Variants in PARP4 observed in about 807,000 individuals in gnomAD.
The protein encoded by PARP4 is protein mono-ADP-ribosyltransferase PARP4.
Under a neutral mutation model 187.7 loss-of-function variants are expected in PARP4, and 120 were observed. The observed-to-expected ratio is 0.64, with a 90% CI of 0.55 to 0.74. The LOEUF is 0.74. Among genes scored for constraint, PARP4 ranks in the 30% least tolerant of loss-of-function variants. The pLI, the probability that PARP4 is intolerant of heterozygous loss-of-function variation, is 0.00. For synonymous variants in PARP4, 654 were observed against 740.9 expected (o/e 0.88, Z 1.90); for missense variants, 1,836 against 2,070.5 (o/e 0.89, Z 2.20).
intron 24 of PARP4, among the ~76,000 whole-genome samples, chr13:24,450,517 A>G (rs1006944014): frequency 2.2e-4 from 34 of 152,242 alleles, no homozygotes; most frequent in African/African-American, 7.9e-4. Context: ...TGATCATAAC[A>G]TTGACTAGAA....
At chr13:24,491,122 A>ATT (rs569158116) in intron 9 of PARP4, among the ~76,000 whole-genome samples, 11 of 138,142 alleles carry the variant, frequency 8.0e-5, no homozygotes, top group Admixed American at 1.5e-4. Flanking sequence ...CATGACTGAC[A>ATT]TTTTTTTTTT....
At chr13:24,495,546 C>T (rs1303002756) in intron 6 of PARP4, among the ~76,000 whole-genome samples, 1 of 152,282 alleles carries the variant, frequency 6.6e-6, no homozygotes, top group South Asian at 2.1e-4. Context: ...CCTGTGGAGG[C>T]GGCACTTTCT....
chr13:24,459,618 G>A lies in PARP4; in HGVS notation c.2299-308C>T, dbSNP rs149541891. 940 of 372,958 alleles carry A rather than the reference G, an allele frequency of 2.5e-3. 8 individuals are homozygous for A. The highest frequency in any genetic ancestry group is 0.018 in the African/African-American group (864 of 48,066). 23.1% of individuals were successfully genotyped at this position (372,958 alleles called of 1,614,324 possible). A position where few individuals can be genotyped will look rare whatever the true frequency, so the allele number is the denominator to read the frequency against. On this transcript the variant is annotated intron_variant, in intron 18 of 33. Transcript: ENST00000381989. The stretch of plus-strand genomic sequence containing the variant: ...AGTAGGAAGTTTGGAGGGATATACC[G>A]AAGTATTAACCATTAACTCTGGGCA...
intron 15 of PARP4, among the ~76,000 whole-genome samples, chr13:24,474,275 CCTT>C (rs1488549859): frequency 1.3e-5 from 2 of 151,660 alleles, no homozygotes; most frequent in Admixed American, 1.3e-4. Flanking sequence ...CCACTGCAAA[CCTT>C]CTTCTCCACA....
intron 30 of PARP4, among the ~76,000 whole-genome samples, chr13:24,441,342 T>C (rs953344937): frequency 7.5e-6 from 1 of 132,842 alleles, no homozygotes; most frequent in Non-Finnish European, 1.6e-5. Flanking sequence ...TTTAGTTTTT[T>C]AACCTAGAGA....
intron 31 of PARP4, among the ~76,000 whole-genome samples, 161 bp downstream of exon 31, chr13:24,434,234 G>A (rs1227232119): frequency 2.8e-5 from 4 of 145,224 alleles, no homozygotes; most frequent in African/African-American, 7.7e-5. Flanking sequence ...TGTAGCAAGA[G>A]TTCCTCAATG....
chr13:24,489,119 A>T (rs531032673), intron 10 of PARP4, among the ~76,000 whole-genome samples: 156 of 152,312 alleles, frequency 1.0e-3, no homozygotes, highest in African/African-American at 3.6e-3. Context: ...ATTCATGTAC[A>T]AGTACCTATT....
At chr13:24,449,278 G>C (rs753514211) in intron 25 of PARP4, among the ~76,000 whole-genome samples, 3 of 150,774 alleles carry the variant, frequency 2.0e-5, no homozygotes. Flanking sequence ...GTACCAGCTA[G>C]TTGGGAGGCT....
At chr13:24,424,919 G>T (rs572934487) in intron 33 of PARP4, among the ~76,000 whole-genome samples, 64 of 151,376 alleles carry the variant, frequency 4.2e-4, no homozygotes, top group Non-Finnish European at 7.2e-4. Context: ...TCCCAACCTC[G>T]TGATCTGCCC....
At chr13:24,440,406 A>G (rs1413821405) in intron 30 of PARP4, among the ~76,000 whole-genome samples, 4 of 108,410 alleles carry the variant, frequency 3.7e-5, no homozygotes, top group Non-Finnish European at 7.2e-5. Flanking sequence ...TCAAAAAAAA[A>G]AAAAATTAAA....
intron 1 of PARP4, among the ~76,000 whole-genome samples, chr13:24,506,382 C>T (rs1235200206): frequency 6.6e-6 from 1 of 152,140 alleles, no homozygotes; most frequent in Admixed American, 6.5e-5. Flanking sequence ...AACAAAGCTT[C>T]CACAGCGTGG....
intron 28 of PARP4, 43 bp from the exon 29 acceptor site, chr13:24,442,728 A>G (rs751146589): frequency 1.8e-6 from 2 of 1,090,270 alleles, no homozygotes; most frequent in Non-Finnish European, 2.8e-6. Flanking sequence ...TTTTATTTCT[A>G]TTTCGCTATG....
chr13:24,434,880 T>C lies in PARP4; in HGVS notation c.4261A>G (p.Thr1421Ala). The change falls in exon 31 of 34, where the codon ACT (threonine) becomes GCT (alanine). Residue 1421 changes from threonine to alanine, a missense_variant. Thr to Ala is a moderately conservative substitution (Grantham distance 58, BLOSUM62 0). Transcript: ENST00000381989. ...SAPLQHPGGF[T>A]TRPSAGTFPE... ...AAGGTGCCAGCAGAAGGCCTGGTAG[T>C]AAAGCCTCCAGGATGTTGCAGTGGA... 1 of 1,614,094 alleles carries C rather than the reference T, an allele frequency of 6.2e-7. No homozygotes were observed. Among genetic ancestry groups the C allele is most frequent in the South Asian group, 1.1e-5 (1 of 91,082 alleles).
In PARP4 at chr13:24,435,654, C is replaced by T. The variant is rs527983656; in HGVS notation, c.3667-180G>A. On this transcript the variant is annotated intron_variant, in intron 30 of 33. Transcript: ENST00000381989. ...CACCAGTGCTGCGTGCAGCAGCTCA[C>T]GCGTGTCATCTCAGCACTTTGGGAG... Among the ~76,000 whole-genome samples the T allele has an allele frequency of 2.6e-4, 40 of 152,272 alleles. No homozygotes were observed. The South Asian group carries it at 7.9e-3, about 30-fold the overall frequency.
At chr13:24,506,401 C>T (rs747706742) in intron 1 of PARP4, among the ~76,000 whole-genome samples, 1 of 152,090 alleles carries the variant, frequency 6.6e-6, no homozygotes, top group Non-Finnish European at 1.5e-5. Context: ...GGAAGAGGAC[C>T]CCAGCAGGTT....
intron 30 of PARP4, among the ~76,000 whole-genome samples, chr13:24,438,836 C>T (rs566080526): frequency 3.3e-5 from 5 of 152,306 alleles, no homozygotes; most frequent in East Asian, 3.9e-4. Context: ...CCTGGATGTC[C>T]GGGCTCTATT....
At chr13:24,423,533 A>AAAAATAAAT (rs138940651) in intron 33 of PARP4, among the ~76,000 whole-genome samples, 62,174 of 150,658 alleles carry the variant, frequency 0.41, 13,355 homozygotes, top group African/African-American at 0.53. Context: ...CTGGCCTCAA[A>AAAAATAAAT]AAATAAATAA....
In PARP4 at chr13:24,484,748, T is replaced by A. The variant is rs1213689682; in HGVS notation, c.1353A>T (p.Arg451=). 6.4e-7 allele frequency: 1 copy of A among 1,569,602 alleles called. No individual in the cohort carries two copies. Among genetic ancestry groups the A allele is most frequent in the African/African-American group, 1.3e-5 (1 of 74,104 alleles). The part of the protein sequence containing the change: ...PVQNIVGILC[R]GLLLPKVVED... ...CCACTACTTTGGGTAAAAGCAACCC[T>A]CTGAAAAGAGAAGGGCAGGATAAGG... Residue 451 remains arginine, a splice_region_variant and synonymous_variant, in exon 12 of 34, where the codon CGA becomes CGT. Transcript: ENST00000381989.
chr13:24,444,670 T>C (rs1871121077), intron 27 of PARP4, among the ~76,000 whole-genome samples: 1 of 152,216 alleles, frequency 6.6e-6, no homozygotes, highest in Non-Finnish European at 1.5e-5. Flanking sequence ...TATTGTGATA[T>C]GCAAAAAGCT....
Sources: gnomAD v4.1 joint callset for allele counts (sites outside exome capture counted in the v4.1 genomes callset) on GRCh38, gnomAD v4.1.1 for gene constraint, MANE v1.5 for transcripts, NCBI Gene and HGNC (gene_info 2026-07-23, HGNC 2026-07-21) for gene names.